Variants in CORO1B observed in about 807,000 individuals in gnomAD.
The protein encoded by CORO1B is coronin-1B.
CORO1B carries 30 observed loss-of-function variants against 51.1 expected under a neutral mutation model. That is an observed-to-expected ratio of 0.59 (90% confidence interval 0.44 to 0.80). CORO1B has a LOEUF of 0.80. Among genes scored for constraint, CORO1B ranks in the 30% least tolerant of loss-of-function variants. The pLI is 0.00. For synonymous variants in CORO1B, 310 were observed against 289.7 expected, an observed-to-expected ratio of 1.07 and a Z score of -0.71; for missense variants, 648 against 700.4, an observed-to-expected ratio of 0.93 and a Z score of 0.84.
In CORO1B at chr11:67,441,515, C is replaced by T. The variant is rs1249909507; in HGVS notation, c.455-1G>A. 1 of 1,610,734 alleles carries T rather than the reference C, an allele frequency of 6.2e-7. No homozygotes were observed. Among genetic ancestry groups the T allele is most frequent in the Non-Finnish European group, 8.5e-7 (1 of 1,178,080 alleles). ...CAGATGAGTACCACGTTGTCGCAGC[C>T]TGGCAGGTGAGGGTTGTCAGCTCGG... On this transcript the variant is annotated splice_acceptor_variant, in intron 4 of 10. Transcript: ENST00000341356. LOFTEE classifies it high-confidence loss of function.
At chr11:67,443,265 G>C (rs1864432118) in intron 1 of CORO1B, 139 bp downstream of exon 1, 1 of 157,350 alleles carries the variant, frequency 6.4e-6, no homozygotes, top group East Asian at 1.9e-4. Context: ...GGCGGCCAAG[G>C]GGAGTGGGAC....
chr11:67,438,418 G>T lies in CORO1B; in HGVS notation c.1428C>A (p.Arg476=), dbSNP rs767642247. Reference sequence around the variant, plus strand: ...CCATGCGGCCCAGCTGCTCCTCCAGGCGGCAGATGCGGTCGCCCTGCTCCT... The same window carrying T: ...CCATGCGGCCCAGCTGCTCCTCCAGTCGGCAGATGCGGTCGCCCTGCTCCT... ...LVKEQGDRIC[R]LEEQLGRMEN... The change falls in exon 11 of 11, where the codon CGC becomes CGA. Residue 476 remains arginine (R), a synonymous_variant. Transcript: ENST00000341356. The T allele has an allele frequency of 6.2e-7, 1 of 1,610,524 alleles. No individual in the cohort carries two copies. Among genetic ancestry groups the T allele is most frequent in the Non-Finnish European group, 8.5e-7 (1 of 1,178,214 alleles).
At chr11:67,440,532 C>A in intron 6 of CORO1B, 93 bp from the exon 7 acceptor site, 1 of 1,130,032 alleles carries the variant, frequency 8.8e-7, no homozygotes, top group Non-Finnish European at 1.3e-6. Flanking sequence ...TAAGGCCAGC[C>A]AGCACTGCCC....
chr11:67,436,097 G>T lies in CORO1B; in HGVS notation c.*2279C>A. 1.2e-6 allele frequency: 2 copies of T among 1,609,918 alleles called. No individual in the cohort carries two copies. Among genetic ancestry groups the T allele is most frequent in the Non-Finnish European group, 1.7e-6 (2 of 1,178,474 alleles). ...TCGGGCCTGCAGCCAGCGACCTGGG[G>T]GGCTGGCCCAGAGCAGGCGCCGCGT... On this transcript the variant is annotated 3_prime_UTR_variant, in exon 11 of 11. Coordinates refer to ENST00000341356, the MANE Select transcript of CORO1B (RefSeq NM_020441.3).
At chr11:67,439,671 A>C (rs1864357936) in intron 9 of CORO1B, 115 bp downstream of exon 9, 18 of 1,135,088 alleles carry the variant, frequency 1.6e-5, no homozygotes, top group Non-Finnish European at 1.9e-5. Flanking sequence ...TGTCCAGCTC[A>C]CTGCCCACAA....
At chr11:67,440,549 G>A (rs1369218162) in intron 6 of CORO1B, 110 bp from the exon 7 acceptor site, 1 of 970,512 alleles carries the variant, frequency 1.0e-6, no homozygotes, top group Non-Finnish European at 1.6e-6. Flanking sequence ...GCCCCTAAAT[G>A]CAGGTGGGCC....
chr11:67,438,202 G>T lies in CORO1B; in HGVS notation c.*174C>A. 2.6e-6 allele frequency: 2 copies of T among 756,612 alleles called. No individual in the cohort carries two copies. Among genetic ancestry groups the T allele is most frequent in the African/African-American group, 1.7e-5 (1 of 57,146 alleles). 46.9% of individuals were successfully genotyped at this position (756,612 alleles called of 1,614,324 possible). ...GGCGTAGACATCCTCCACAGGAACA[G>T]TGAGGAAAGCTGGGCGCTGGCTTCG... is the stretch of plus-strand genomic sequence containing the variant. On this transcript the variant is annotated 3_prime_UTR_variant, in exon 11 of 11. Coordinates refer to ENST00000341356, the MANE Select transcript of CORO1B (RefSeq NM_020441.3).
Position 67,435,966 on chromosome 11 carries a change from C to T in CORO1B, c.*2410G>A. On this transcript the variant is annotated 3_prime_UTR_variant, in exon 11 of 11. Coordinates refer to ENST00000341356, the MANE Select transcript of CORO1B (RefSeq NM_020441.3). ...GACGCCTCTCCACATTGCTGCTCGC[C>T]TTCCCCAGGGTCAGCCTGCAGGCCA... 1 of 1,613,714 alleles carries T rather than the reference C, an allele frequency of 6.2e-7. No homozygotes were observed. Among genetic ancestry groups the T allele is most frequent in the East Asian group, 2.2e-5 (1 of 44,884 alleles).
chr11:67,442,195 G>GAC (rs2135147997), intron 2 of CORO1B, 107 bp from the exon 3 acceptor site: 1 of 1,538,590 alleles, frequency 6.5e-7, no homozygotes, highest in Admixed American at 1.7e-5. Flanking sequence ...AGGTGGCCCA[G>GAC]ATGTGACTGT....
At position 67,443,469 on chromosome 11, in the gene CORO1B, G is replaced by C. The variant is rs1224534373; in HGVS notation, c.-68C>G. On this transcript the variant is annotated 5_prime_UTR_variant, in exon 1 of 11. Transcript: ENST00000341356. ...GGGCGGCTCCGGATCCCGGCCTCTG[G>C]GAAGCAGGAAGCAGGATTCAGGAAG... The C allele has an allele frequency of 1.0e-6, 1 of 986,008 alleles. No individual in the cohort carries two copies. Among genetic ancestry groups the C allele is most frequent in the Non-Finnish European group, 1.2e-6 (1 of 830,062 alleles). 61.1% of individuals were successfully genotyped at this position (986,008 alleles called of 1,614,324 possible).
rs747307523 is a variant in CORO1B at position 67,442,633 on chromosome 11, G to A, written c.-2-3C>T. 1 of 1,613,226 alleles carries A rather than the reference G, an allele frequency of 6.2e-7. No individual in the cohort carries two copies. The highest frequency in any genetic ancestry group is 8.5e-7 in the Non-Finnish European group (1 of 1,179,882). On this transcript the variant is annotated splice_region_variant and splice_polypyrimidine_tract_variant and intron_variant, in intron 1 of 10. Coordinates refer to ENST00000341356, the MANE Select transcript of CORO1B (RefSeq NM_020441.3). The stretch of plus-strand genomic sequence containing the variant: ...GACCACTTTGCGGAAGGACATGTCT[G>A]CGGGACAGAGAGGCCTGGGTCAGTC...
At position 67,437,584 on chromosome 11, in the gene CORO1B, C is replaced by T. The variant is rs1408425060; in HGVS notation, c.*792G>A. 2 of 1,346,030 alleles carry T rather than the reference C, an allele frequency of 1.5e-6. No homozygotes were observed. The highest frequency in any genetic ancestry group is 1.5e-5 in the African/African-American group (1 of 66,588). The allele number at this position is 1,346,030 out of a possible 1,614,324, so 83.4% of individuals were successfully genotyped here. On this transcript the variant is annotated 3_prime_UTR_variant, in exon 11 of 11. Transcript: ENST00000341356. The stretch of plus-strand genomic sequence containing the variant: ...TCTAGCCCCGACCGCCTGTGGCCCC[C>T]ATCCCAAGAACCCGGGGGGCTCCGA...
chr11:67,442,458 C>T lies in CORO1B; in HGVS notation c.171G>A (p.Gly57=), dbSNP rs766978278. The change falls in exon 2 of 11, where the codon GGG becomes GGA. Residue 57 remains glycine (G), a synonymous_variant. Transcript: ENST00000341356. ...TTAGGGGGAGCACCAGAAAGGCACC[C>T]CCTCCACTGGCCTCCACAATCACCG... ...FLAVIVEASG[G]GAFLVLPLSK... The T allele has an allele frequency of 1.2e-6, 2 of 1,613,396 alleles. No individual in the cohort carries two copies. The highest frequency in any genetic ancestry group is 1.7e-6 in the Non-Finnish European group (2 of 1,180,012).
At position 67,441,183 on chromosome 11, in the gene CORO1B, T is replaced by C; in HGVS notation, c.698A>G (p.Lys233Arg). The C allele has an allele frequency of 6.2e-7, 1 of 1,613,148 alleles. No homozygotes were observed. The highest frequency in any genetic ancestry group is 8.5e-7 in the Non-Finnish European group (1 of 1,179,994). Reference sequence around the variant, plus strand: ...TCGGCTGAAGCCTGTGGTGAACACCTTGCCATCTGCCAGGAAGATGGCCCG... The same window carrying C: ...TCGGCTGAAGCCTGTGGTGAACACCCTGCCATCTGCCAGGAAGATGGCCCG... ...PMRAIFLADG[K>R]VFTTGFSRMS... The change falls in exon 6 of 11, where the codon AAG becomes AGG. Residue 233 changes from lysine to arginine, a missense_variant. By Grantham distance (26) the Lys-to-Arg change is conservative. Transcript: ENST00000341356.
intron 1 of CORO1B, 88 bp from the exon 2 acceptor site, chr11:67,442,718 A>C: frequency 7.3e-7 from 1 of 1,378,712 alleles, no homozygotes; most frequent in East Asian, 2.3e-5. Flanking sequence ...GGGAGGATGC[A>C]ACCGGGGGCC....
chr11:67,439,824 G>A lies in CORO1B; in HGVS notation c.1027C>T (p.Arg343Cys), dbSNP rs143227306. 20 of 1,586,776 alleles carry A rather than the reference G, an allele frequency of 1.3e-5. No individual in the cohort carries two copies. Among genetic ancestry groups the A allele is most frequent in the African/African-American group, 1.2e-4 (9 of 74,654 alleles). Residue 343 changes from arginine (R) to cysteine (C), a missense_variant, in exon 9 of 11, where the codon CGC becomes TGC. Coordinates refer to ENST00000341356, the MANE Select transcript of CORO1B (RefSeq NM_020441.3). The part of the protein sequence containing the change: ...EIARFYKLHE[R>C]KCEPIVMTVP... ...GTCATGACGATGGGCTCACACTTGC[G>A]CTCATGCAGTTTGTAGAACCTGGGG...
rs753826252 is a variant in CORO1B at position 67,438,856 on chromosome 11, G to C, written c.1159C>G (p.Pro387Ala). 5.0e-6 allele frequency: 8 copies of C among 1,608,962 alleles called. No individual in the cohort carries two copies. In the East Asian group the frequency reaches 8.9e-5, roughly 18 times the overall value. Residue 387 changes from proline (P) to alanine (A), a missense_variant, in exon 10 of 11, where the codon CCG becomes GCG. Physicochemically the swap from Pro to Ala is conservative, Grantham distance 27. Coordinates refer to ENST00000341356, the MANE Select transcript of CORO1B (RefSeq NM_020441.3). ...GCCTCCCGCAGTGAGATGAGGATCG[G>C]GTCGGCATCCCGCCCGCTCACCCAC... ...EEWVSGRDAD[P>A]ILISLREAYV...
In CORO1B at chr11:67,442,610, C is replaced by A; in HGVS notation, c.19G>T (p.Val7Phe). Residue 7 changes from valine (V) to phenylalanine (F), a missense_variant, in exon 2 of 11, where the codon GTC becomes TTC. Coordinates refer to ENST00000341356, the MANE Select transcript of CORO1B (RefSeq NM_020441.3). The part of the protein sequence containing the change: MSFRKV[V>F]RQSKFRHVFG... ...ACATGCCGGAATTTGCTCTGCCGGA[C>A]CACTTTGCGGAAGGACATGTCTGCG... is the stretch of plus-strand genomic sequence containing the variant. 1 of 1,613,662 alleles carries A rather than the reference C, an allele frequency of 6.2e-7. No individual in the cohort carries two copies. Among genetic ancestry groups the A allele is most frequent in the Non-Finnish European group, 8.5e-7 (1 of 1,180,004 alleles).
chr11:67,442,384 G>A (rs1400048987), intron 2 of CORO1B, 44 bp downstream of exon 2: 9 of 1,590,822 alleles, frequency 5.7e-6, no homozygotes, highest in African/African-American at 1.3e-5. Flanking sequence ...CCCAGTAGGG[G>A]TGGCCGAGGT....
Sources: gnomAD v4.1 joint callset for allele counts on GRCh38, gnomAD v4.1.1 for gene constraint, MANE v1.5 for transcripts, NCBI Gene and HGNC (gene_info 2026-07-23, HGNC 2026-07-21) for gene names.